Variants in CCDC180 observed in about 807,000 individuals in gnomAD.
The protein encoded by CCDC180 is coiled-coil domain-containing protein 180.
A neutral mutation model predicts 209.2 loss-of-function variants in CCDC180; 154 were observed. That is an observed-to-expected ratio of 0.74 (90% confidence interval 0.65 to 0.84). The LOEUF is 0.84. Ranked by LOEUF, CCDC180 falls within the 40% of genes least tolerant of loss-of-function variation. CCDC180 has a pLI of 0.00. For synonymous variants in CCDC180, 778 were observed against 749.1 expected (o/e 1.04, Z -0.63); for missense variants, 1,874 against 1,997.3 (o/e 0.94, Z 1.18).
At position 97,330,570 on chromosome 9, in the gene CCDC180, C is replaced by G; in HGVS notation, c.2077C>G (p.Leu693Val). Residue 693 changes from leucine (L) to valine (V), a missense_variant, in exon 18 of 37, where the codon CTG (leucine) becomes GTG (valine). Transcript: ENST00000529487. ...DESKEGSIQGLEEMQVEREGS... is the reference protein window; with the variant it reads ...DESKEGSIQGVEEMQVEREGS... ...GTCCAAAGAAGGCTCTATTCAGGGA[C>G]TGGAAGAAATGCAGGTTGAAAGAGA... The G allele has an allele frequency of 6.2e-7, 1 of 1,614,008 alleles. No individual in the cohort carries two copies. Among genetic ancestry groups the G allele is most frequent in the Non-Finnish European group, 8.5e-7 (1 of 1,180,006 alleles).
Position 97,350,542 on chromosome 9 carries a change from A to T in CCDC180, c.2989A>T (p.Ile997Phe). Residue 997 changes from isoleucine (I) to phenylalanine (F), a missense_variant, in exon 22 of 37, where the codon ATC (isoleucine) becomes TTC (phenylalanine). Transcript: ENST00000529487. ...ACTCCGCTACTCAAATATTGAGTTC[A>T]TCAAACACTGCAGGTGGGAGCCAGT... is the stretch of plus-strand genomic sequence containing the variant. Reference protein sequence around the residue: ...GKLRYSNIEFIKHCRLFSEGG... With the variant: ...GKLRYSNIEFFKHCRLFSEGG... The T allele has an allele frequency of 2.0e-6, 3 of 1,536,492 alleles. No homozygotes were observed. Among genetic ancestry groups the T allele is most frequent in the African/African-American group, 1.4e-5 (1 of 73,176 alleles).
rs914444281 is a variant in CCDC180, at chr9:97,343,417, T to G, written c.2352T>G (p.Thr784=). The G allele has an allele frequency of 1.2e-6, 2 of 1,613,812 alleles. No homozygotes were observed. The highest frequency in any genetic ancestry group is 2.7e-5 in the African/African-American group (2 of 74,910). ...CCTTCACAATCTCCAGTGGAAACACTTATTTTGTCTTTGTACCCCTGGAAG... is the reference window on the plus strand; with the variant it reads ...CCTTCACAATCTCCAGTGGAAACACGTATTTTGTCTTTGTACCCCTGGAAG... ...MESFTISSGN[T]YFVFVPLEEE... Residue 784 remains threonine, a synonymous_variant, in exon 19 of 37, where the codon ACT becomes ACG. Coordinates refer to ENST00000529487, the MANE Select transcript of CCDC180 (RefSeq NM_020893.6).
chr9:97,307,662 C>A lies in CCDC180; in HGVS notation c.-226C>A. 1 of 1,437,638 alleles carries A rather than the reference C, an allele frequency of 7.0e-7. No homozygotes were observed. Among genetic ancestry groups the A allele is most frequent in the Non-Finnish European group, 9.7e-7 (1 of 1,025,972 alleles). The allele number at this position is 1,437,638 out of a possible 1,614,324, so 89.1% of individuals were successfully genotyped here. A position where few individuals can be genotyped will look rare whatever the true frequency, so the allele number is the denominator to read the frequency against. ...TTCCAGTCCCAACCGACACCTTGAG[C>A]GCCGTTAACTTTTCCCCGAAGAGCA... On this transcript the variant is annotated 5_prime_UTR_variant, in exon 1 of 37. Transcript: ENST00000529487.
Position 97,348,414 on chromosome 9 carries a change from TA to T in CCDC180, c.2675-693del, listed in dbSNP as rs151191397. Reference sequence around the variant, plus strand: ...TAAAAAGGATTCTATGTGCACTGAGTAAAAGCTCCCTGAAGGCTGGCTCCAT... The same window carrying T: ...TAAAAAGGATTCTATGTGCACTGAGTAAAGCTCCCTGAAGGCTGGCTCCAT... On this transcript the variant is annotated intron_variant, in intron 20 of 36. Coordinates refer to ENST00000529487, the MANE Select transcript of CCDC180 (RefSeq NM_020893.6). 2.3e-3 allele frequency among the ~76,000 whole-genome samples: 350 copies of T among 152,222 alleles called. 3 individuals carry two copies. The highest frequency in any genetic ancestry group is 7.9e-3 in the African/African-American group (330 of 41,520).
chr9:97,316,073 T>C (rs1411318414), intron 8 of CCDC180, among the ~76,000 whole-genome samples: 1 of 152,190 alleles, frequency 6.6e-6, no homozygotes, highest in Non-Finnish European at 1.5e-5. Context: ...CTGTGGTAGC[T>C]GTCTTCTGAG....
intron 12 of CCDC180, among the ~76,000 whole-genome samples, 182 bp downstream of exon 12, chr9:97,323,103 C>G (rs1448814297): frequency 6.6e-6 from 1 of 152,084 alleles, no homozygotes; most frequent in Non-Finnish European, 1.5e-5. Context: ...CTTCATAGCC[C>G]CAATGCCTGG....
chr9:97,350,551 T>C lies in CCDC180; in HGVS notation c.2998T>C (p.Cys1000Arg). ...CTCAAATATTGAGTTCATCAAACAC[T>C]GCAGGTGGGAGCCAGTGTCCAGGGC... The part of the protein sequence containing the change: ...RYSNIEFIKH[C>R]RLFSEGGNFS... Residue 1000 changes from cysteine (C) to arginine (R), a missense_variant, in exon 22 of 37, where the codon TGC becomes CGC. By Grantham distance (180) the Cys-to-Arg change is radical (BLOSUM62 -3). Transcript: ENST00000529487. 2.6e-6 allele frequency: 4 copies of C among 1,536,432 alleles called. No individual in the cohort carries two copies. Among genetic ancestry groups the C allele is most frequent in the Non-Finnish European group, 3.5e-6 (4 of 1,146,984 alleles).
In CCDC180 at chr9:97,360,115, T is replaced by A; in HGVS notation, c.3483+14T>A. The A allele has an allele frequency of 6.2e-7, 1 of 1,611,596 alleles. No individual in the cohort carries two copies. The highest frequency in any genetic ancestry group is 8.5e-7 in the Non-Finnish European group (1 of 1,178,302). ...CTGGTCTTTACCGTAAGGAATGGGA[T>A]AGGGTGGCAGGAAAGGGTGGGTGAG... On this transcript the variant is annotated intron_variant, in intron 26 of 36. Transcript: ENST00000529487.
chr9:97,314,469 G>C lies in CCDC180; in HGVS notation c.536G>C (p.Arg179Pro). The change falls in exon 6 of 37, where the codon CGT becomes CCT. Residue 179 changes from arginine to proline, a missense_variant. By Grantham distance (103) the Arg-to-Pro change is moderately radical. Transcript: ENST00000529487. ...ACTGAGTCTGATGAAGAAATGAACC[G>C]TCTCTTCCTAAAGGTGGAAAATGAC... is the stretch of plus-strand genomic sequence containing the variant. ...KLTESDEEMN[R>P]LFLKVENDTN... The C allele has an allele frequency of 6.2e-7, 1 of 1,614,092 alleles. No homozygotes were observed.
intron 33 of CCDC180, chr9:97,371,043 A>C (rs1485205269): frequency 1.5e-5 from 3 of 195,096 alleles, no homozygotes; most frequent in African/African-American, 8.2e-5. Flanking sequence ...GGCTCACTGC[A>C]AGCTCCGCTT....
At chr9:97,365,457 A>C in intron 29 of CCDC180, 1 of 524,738 alleles carries the variant, frequency 1.9e-6, no homozygotes, top group Non-Finnish European at 3.4e-6. Flanking sequence ...CTGGGGTCTG[A>C]GGAAGGGCAG....
chr9:97,324,256 A>G (rs1833453943), intron 13 of CCDC180, among the ~76,000 whole-genome samples: 1 of 152,180 alleles, frequency 6.6e-6, no homozygotes, highest in Non-Finnish European at 1.5e-5. Flanking sequence ...GAAGGGCCAG[A>G]TGGTGACTAT....
At chr9:97,335,166 C>CT (rs1564158766) in intron 18 of CCDC180, among the ~76,000 whole-genome samples, 4 of 151,902 alleles carry the variant, frequency 2.6e-5, no homozygotes, top group Middle Eastern at 3.4e-3. Flanking sequence ...CCCATTTCTT[C>CT]TTTTTTTATT....
In CCDC180 at chr9:97,317,079, C is replaced by T; in HGVS notation, c.810C>T (p.Ala270=). The change falls in exon 9 of 37, where the codon GCC becomes GCT. Residue 270 remains alanine, a synonymous_variant. Transcript: ENST00000529487. Reference sequence around the variant, plus strand: ...TGTGACCACAGGTCATGAACTATGCCCTGCTGGGCAACCGGAAGGCTCTCG... The same window carrying T: ...TGTGACCACAGGTCATGAACTATGCTCTGCTGGGCAACCGGAAGGCTCTCG... ...INEEAMVMNY[A]LLGNRKALAQ... 1.9e-6 allele frequency: 3 copies of T among 1,612,280 alleles called. No homozygotes were observed. Among genetic ancestry groups the T allele is most frequent in the Non-Finnish European group, 2.5e-6 (3 of 1,178,948 alleles).
At chr9:97,315,033 T>A in intron 8 of CCDC180, 87 bp downstream of exon 8, 1 of 970,090 alleles carries the variant, frequency 1.0e-6, no homozygotes. Context: ...GTGTCTGGTG[T>A]CTCAGGAATG....
intron 8 of CCDC180, among the ~76,000 whole-genome samples, chr9:97,315,967 T>C (rs2118564966): frequency 6.6e-6 from 1 of 152,286 alleles, no homozygotes; most frequent in East Asian, 1.9e-4. Context: ...CATAAACCCA[T>C]CATAAAGTTG....
chr9:97,376,927 A>G lies in CCDC180; in HGVS notation c.*33A>G. 1 of 1,595,040 alleles carries G rather than the reference A, an allele frequency of 6.3e-7. No individual in the cohort carries two copies. Among genetic ancestry groups the G allele is most frequent in the Non-Finnish European group, 8.5e-7 (1 of 1,172,634 alleles). On this transcript the variant is annotated 3_prime_UTR_variant, in exon 37 of 37. Transcript: ENST00000529487. ...CCCCACCATGAATAAACACTTTCTT[A>G]TACAGACTCCTTCCCTGTCCATCTA...
chr9:97,340,016 T>C (rs1826029013), intron 18 of CCDC180, among the ~76,000 whole-genome samples: 2 of 152,234 alleles, frequency 1.3e-5, no homozygotes, highest in Non-Finnish European at 2.9e-5. Context: ...CACCAGGTCA[T>C]TTAAGATCTT....
At position 97,376,744 on chromosome 9, in the gene CCDC180, C is replaced by T. The variant is rs1271373761; in HGVS notation, c.4843-19C>T. On this transcript the variant is annotated intron_variant, in intron 36 of 36. Coordinates refer to ENST00000529487, the MANE Select transcript of CCDC180 (RefSeq NM_020893.6). ...GATGTCTCTCCTCATGTGGACCCCT[C>T]CTGCTACCTTCCTTCTAGAAATATT... is the stretch of plus-strand genomic sequence containing the variant. The T allele has an allele frequency of 1.9e-6, 3 of 1,609,840 alleles. No individual in the cohort carries two copies. The Admixed American group carries it at 5.0e-5, about 27-fold the overall frequency.
Sources: allele counts gnomAD v4.1 joint callset (sites outside exome capture counted in the v4.1 genomes callset), GRCh38; gene constraint gnomAD v4.1.1; transcripts MANE v1.5; gene names NCBI Gene and HGNC (gene_info 2026-07-23, HGNC 2026-07-21).